CPNE3: variants seen among roughly 807,000 people sequenced by gnomAD.
CPNE3 encodes the protein copine 3, also known as copine-3.
CPNE3 carries 68 observed loss-of-function variants against 63.9 expected under a neutral mutation model. That is an observed-to-expected ratio of 1.06 (90% CI 0.87 to 1.30). CPNE3 has a LOEUF of 1.30. CPNE3 is among the 50% of genes most tolerant of loss of function. CPNE3 has a pLI of 0.00. For missense variants in CPNE3, 665 were observed against 578.1 expected (o/e 1.15, Z -1.54); for synonymous variants, 219 against 197.5 (o/e 1.11, Z -0.91).
intron 2 of CPNE3, among the ~76,000 whole-genome samples, chr8:86,525,224 C>T (rs554273025): frequency 6.6e-6 from 1 of 151,916 alleles, no homozygotes; most frequent in Non-Finnish European, 1.5e-5. Flanking sequence ...TGGGCTCAAG[C>T]AATCCTACTG....
At chr8:86,529,180 G>T (rs1820614294) in intron 4 of CPNE3, 56 bp downstream of exon 4, 2 of 1,477,170 alleles carry the variant, frequency 1.4e-6, no homozygotes, top group Admixed American at 4.2e-5. Context: ...CAATGAATTT[G>T]GTGGTGTTTT....
intron 6 of CPNE3, among the ~76,000 whole-genome samples, chr8:86,536,235 T>C (rs926933613): frequency 6.7e-6 from 1 of 149,942 alleles, no homozygotes; most frequent in African/African-American, 2.5e-5. Context: ...TGTGTTCATA[T>C]GTATGTGTGT....
At chr8:86,525,492 A>G (rs928451615) in intron 2 of CPNE3, among the ~76,000 whole-genome samples, 2 of 152,194 alleles carry the variant, frequency 1.3e-5, no homozygotes, top group Non-Finnish European at 2.9e-5. Flanking sequence ...ACCAGCACAG[A>G]GTCATTTTTC....
intron 2 of CPNE3, among the ~76,000 whole-genome samples, chr8:86,517,818 A>G (rs1042898014): frequency 2.0e-5 from 3 of 152,196 alleles, no homozygotes; most frequent in Admixed American, 6.5e-5. Context: ...GCTCTCCAGC[A>G]CCTTAGAACA....
chr8:86,561,458 C>A lies in CPNE3; in HGVS notation c.*3048C>A, dbSNP rs531517174. The A allele has an allele frequency of 6.6e-6, 1 of 152,170 alleles. No individual in the cohort carries two copies. Among genetic ancestry groups the A allele is most frequent in the Admixed American group, 6.5e-5 (1 of 15,274 alleles). The allele number at this position is 152,170 out of a possible 1,614,324, so 9.4% of individuals were successfully genotyped here. ...TTTTATTCTTTACATGTGACCAAAA[C>A]AATAGAAAAGTTAAAAATAAAATAT... On this transcript the variant is annotated 3_prime_UTR_variant, in exon 17 of 17. Transcript: ENST00000517490.
chr8:86,555,555 A>G (rs1821304220), intron 15 of CPNE3, among the ~76,000 whole-genome samples: 2 of 152,220 alleles, frequency 1.3e-5, no homozygotes, highest in Non-Finnish European at 2.9e-5. Context: ...CTAGACTTAA[A>G]TGGCCCAAAA....
intron 8 of CPNE3, among the ~76,000 whole-genome samples, chr8:86,541,806 G>A (rs550051321): frequency 8.6e-5 from 13 of 151,978 alleles, no homozygotes; most frequent in African/African-American, 3.1e-4. Flanking sequence ...GATTTGTAAG[G>A]TATTTGAAAC....
chr8:86,544,818 G>T lies in CPNE3; in HGVS notation c.712G>T (p.Glu238Ter). Residue 238 changes from glutamate to a stop codon, truncating the protein, a stop_gained, in exon 9 of 17, where the codon GAA becomes TAA. Transcript: ENST00000517490. LOFTEE classifies it high-confidence loss of function. Reference sequence around the variant, plus strand: ...TCAGACCACCATGACAAAACTGAAAGAAGCCTCCAGAAGCTCACCTGTAAG... The same window carrying T: ...TCAGACCACCATGACAAAACTGAAATAAGCCTCCAGAAGCTCACCTGTAAG... ...TFQTTMTKLK[E>*]ASRSSPVEFE... 3 of 1,588,620 alleles carry T rather than the reference G, an allele frequency of 1.9e-6. No homozygotes were observed. Among genetic ancestry groups the T allele is most frequent in the African/African-American group, 2.7e-5 (2 of 73,530 alleles).
chr8:86,516,957 G>C (rs1352685545), intron 2 of CPNE3, among the ~76,000 whole-genome samples: 2 of 152,154 alleles, frequency 1.3e-5, no homozygotes, highest in Admixed American at 6.5e-5. Context: ...TGATATTTCA[G>C]GTGGATCTTT....
intron 6 of CPNE3, among the ~76,000 whole-genome samples, chr8:86,535,503 A>G (rs1303396449): frequency 1.3e-5 from 2 of 152,054 alleles, no homozygotes; most frequent in East Asian, 1.9e-4. Flanking sequence ...CCCTGTGTCT[A>G]GTAAAAATAC....
intron 2 of CPNE3, among the ~76,000 whole-genome samples, chr8:86,528,304 C>T (rs937857687): frequency 6.6e-6 from 1 of 152,014 alleles, no homozygotes; most frequent in Non-Finnish European, 1.5e-5. Context: ...TACTGTCATT[C>T]AGTAAATGAA....
intron 3 of CPNE3, 107 bp downstream of exon 3, chr8:86,528,784 G>A: frequency 7.1e-7 from 1 of 1,417,654 alleles, no homozygotes; most frequent in South Asian, 1.5e-5. Context: ...TGTTAATGGA[G>A]TTTTTTGTGA....
At chr8:86,518,169 A>G (rs1470187377) in intron 2 of CPNE3, among the ~76,000 whole-genome samples, 1 of 152,202 alleles carries the variant, frequency 6.6e-6, no homozygotes, top group Non-Finnish European at 1.5e-5. Context: ...CATCTTGCCC[A>G]ATTAAATATA....
chr8:86,553,332 T>TA (rs1163703074), intron 14 of CPNE3, among the ~76,000 whole-genome samples: 11 of 152,136 alleles, frequency 7.2e-5, no homozygotes, highest in Admixed American at 7.2e-4. Context: ...TTGGAACTCT[T>TA]ACATTTTAAG....
At chr8:86,537,962 CTCTG>C (rs1313269444) in intron 7 of CPNE3, among the ~76,000 whole-genome samples, 1 of 126,664 alleles carries the variant, frequency 7.9e-6, no homozygotes, top group African/African-American at 3.3e-5. Context: ...CTCTGTCCCT[CTCTG>C]TCTCTCTCTC....
chr8:86,525,960 C>T (rs1177279948), intron 2 of CPNE3, among the ~76,000 whole-genome samples: 1 of 152,194 alleles, frequency 6.6e-6, no homozygotes, highest in Non-Finnish European at 1.5e-5. Flanking sequence ...AACAGTATGC[C>T]TGGCACGTGC....
chr8:86,542,326 C>A (rs929013364), intron 8 of CPNE3, among the ~76,000 whole-genome samples: 5 of 152,058 alleles, frequency 3.3e-5, no homozygotes, highest in African/African-American at 9.7e-5. Context: ...AGTTTCTTTG[C>A]CATGTTGTGT....
intron 14 of CPNE3, among the ~76,000 whole-genome samples, chr8:86,552,649 G>A (rs946669431): frequency 2.0e-5 from 3 of 151,030 alleles, no homozygotes; most frequent in African/African-American, 7.3e-5. Context: ...AAAGCTCAGA[G>A]CCTTATTTTA....
chr8:86,514,652 C>A (rs1016271592), intron 1 of CPNE3, 111 bp downstream of exon 1: 1 of 152,210 alleles, frequency 6.6e-6, no homozygotes, highest in Non-Finnish European at 1.5e-5. Flanking sequence ...CCGCAGGCTC[C>A]GTGCGGCAGG....
Sources: gnomAD v4.1 joint callset for allele counts (sites outside exome capture counted in the v4.1 genomes callset) on GRCh38, gnomAD v4.1.1 for gene constraint, MANE v1.5 for transcripts, NCBI Gene and HGNC (gene_info 2026-07-23, HGNC 2026-07-21) for gene names.